ZBTB25: variants seen among roughly 807,000 people sequenced by gnomAD.
The protein encoded by ZBTB25 is zinc finger and BTB domain containing 25, also known as zinc finger and BTB domain-containing protein 25.
ZBTB25 carries 20 observed loss-of-function variants against 34.2 expected under a neutral mutation model. The ratio of observed to expected loss-of-function variants is 0.58; its 90% CI spans 0.41 to 0.85. The LOEUF (loss-of-function observed/expected upper bound fraction) is 0.85, where lower values mean the gene tolerates loss of function less well. ZBTB25 is among the 40% of genes least tolerant of loss of function. The pLI is 0.00. For synonymous variants in ZBTB25, 175 were observed against 186.4 expected (o/e 0.94, Z 0.50); for missense variants, 437 against 521.8 (o/e 0.84, Z 1.58).
chr14:64,477,665 G>T (rs569146352), downstream of ZBTB25, among the ~76,000 whole-genome samples: 59 of 152,204 alleles, frequency 3.9e-4, no homozygotes, highest in Non-Finnish European at 6.8e-4. Flanking sequence ...AACCACTCCA[G>T]GTTCTTCAGG....
At chr14:64,469,651 TAATAA>T (rs781537777) in intron 2 of ZBTB25, 41 of 1,592,430 alleles carry the variant, frequency 2.6e-5, no homozygotes, top group Non-Finnish European at 3.3e-5. Flanking sequence ...CCTCTGATGA[TAATAA>T]AATAAACAAT....
At chr14:64,469,245 C>T (rs1390494179) in intron 2 of ZBTB25, 2 of 1,613,776 alleles carry the variant, frequency 1.2e-6, no homozygotes, top group African/African-American at 1.3e-5. Flanking sequence ...AGTAACAGTA[C>T]CCTAGAAAGT....
intron 1 of ZBTB25, among the ~76,000 whole-genome samples, chr14:64,501,587 G>A (rs901046654): frequency 2.3e-4 from 35 of 152,272 alleles, no homozygotes; most frequent in Non-Finnish European, 4.1e-4. Context: ...TTAAAACAAG[G>A]AAAAACCCTG....
Position 64,486,824 on chromosome 14 carries a change from A to G in ZBTB25, c.*99T>C. ...ACCATGGATAAGCTGTGAAGAAAAA[A>G]AGTCAATGAAACTTGAGGAGGAAAA... On this transcript the variant is annotated 3_prime_UTR_variant, in exon 3 of 3. Transcript: ENST00000608382. The G allele has an allele frequency of 6.9e-7, 1 of 1,455,538 alleles. No individual in the cohort carries two copies. The highest frequency in any genetic ancestry group is 1.5e-5 in the South Asian group (1 of 66,880). The allele number at this position is 1,455,538 out of a possible 1,614,324, so 90.2% of individuals were successfully genotyped here. A position where few individuals can be genotyped will look rare whatever the true frequency, so the allele number is the denominator to read the frequency against.
intron 1 of ZBTB25, among the ~76,000 whole-genome samples, chr14:64,492,747 GGT>G (rs2079128812): frequency 6.6e-6 from 1 of 152,024 alleles, no homozygotes; most frequent in South Asian, 2.1e-4. Flanking sequence ...ATGGTCTGTT[GGT>G]AACAGTTAAA....
Position 64,486,185 on chromosome 14 carries a change from C to T in ZBTB25, c.*738G>A, listed in dbSNP as rs2078857602. 1.4e-6 allele frequency: 1 copy of T among 731,436 alleles called. No homozygotes were observed. The highest frequency in any genetic ancestry group is 1.9e-5 in the African/African-American group (1 of 51,754). The allele number at this position is 731,436 out of a possible 1,614,324, so 45.3% of individuals were successfully genotyped here. On this transcript the variant is annotated 3_prime_UTR_variant, in exon 3 of 3. Coordinates refer to ENST00000608382, the MANE Select transcript of ZBTB25 (RefSeq NM_006977.5). Reference sequence around the variant, plus strand: ...GGCGTGGTGGCGGGCGCCTGTAGTCCCAGCTGCTCAGGAGGCTGAGGCAGG... The same window carrying T: ...GGCGTGGTGGCGGGCGCCTGTAGTCTCAGCTGCTCAGGAGGCTGAGGCAGG...
Position 64,487,882 on chromosome 14 carries a change from C to T in ZBTB25, c.349G>A (p.Val117Met), listed in dbSNP as rs765170648. The change falls in exon 3 of 3, where the codon GTG becomes ATG. Residue 117 changes from valine to methionine, a missense_variant. Transcript: ENST00000608382. Reference protein sequence around the residue: ...LSHIATEMNQVFSPETVQSSN... With the variant: ...LSHIATEMNQMFSPETVQSSN... ...GACTGCACAGTCTCTGGTGAGAACA[C>T]TTGATTCATTTCAGTTGCAATGTGA... 6.2e-7 allele frequency: 1 copy of T among 1,614,194 alleles called. No individual in the cohort carries two copies. Among genetic ancestry groups the T allele is most frequent in the South Asian group, 1.1e-5 (1 of 91,092 alleles).
At chr14:64,503,362 G>A (rs1482717469) in intron 1 of ZBTB25, 4 of 985,266 alleles carry the variant, frequency 4.1e-6, no homozygotes, top group Non-Finnish European at 4.8e-6. Context: ...ACCCGGACCC[G>A]CGGCCGGGAC....
intron 2 of ZBTB25, among the ~76,000 whole-genome samples, chr14:64,457,122 A>G (rs1255799627): frequency 6.6e-6 from 1 of 152,256 alleles, no homozygotes; most frequent in Non-Finnish European, 1.5e-5. Flanking sequence ...AATGGTGATT[A>G]TAAAACCATC....
intron 1 of ZBTB25, among the ~76,000 whole-genome samples, chr14:64,492,703 C>A (rs1158334998): frequency 6.6e-6 from 1 of 151,968 alleles, no homozygotes; most frequent in African/African-American, 2.4e-5. Context: ...ACATAGCACA[C>A]TAATAAGCCA....
At chr14:64,469,723 A>C in intron 2 of ZBTB25, 10 of 1,315,764 alleles carry the variant, frequency 7.6e-6, no homozygotes, top group South Asian at 1.5e-5. Flanking sequence ...TTAATGAAGA[A>C]TTCTTTTATA....
exon 3 of ZBTB25, chr14:64,449,402 C>G: frequency 6.2e-7 from 1 of 1,600,048 alleles, no homozygotes; most frequent in Non-Finnish European, 8.5e-7. Flanking sequence ...TTCTGTCTCT[C>G]CAGCCATTTT....
Position 64,485,497 on chromosome 14 carries a change from T to C in ZBTB25, c.*1426A>G. On this transcript the variant is annotated 3_prime_UTR_variant, in exon 3 of 3. Transcript: ENST00000608382. ...TTCCCAGGTATATAGAGCCGGGGAA[T>C]CTGTTATTTCTTTCATCAACTTTAA... 1.0e-6 allele frequency: 1 copy of C among 985,390 alleles called. No homozygotes were observed. Among genetic ancestry groups the C allele is most frequent in the Non-Finnish European group, 1.2e-6 (1 of 829,894 alleles). The allele number at this position is 985,390 out of a possible 1,614,324, so 61.0% of individuals were successfully genotyped here.
At chr14:64,458,198 C>CT in intron 2 of ZBTB25, 1 of 1,579,958 alleles carries the variant, frequency 6.3e-7, no homozygotes, top group Non-Finnish European at 8.7e-7. Flanking sequence ...ATTTGTAATG[C>CT]TTTTTTACAT....
rs899142148 is a variant in ZBTB25, at chr14:64,503,681, A to C, written c.-28T>G. On this transcript the variant is annotated 5_prime_UTR_variant, in exon 1 of 3. Coordinates refer to ENST00000608382, the MANE Select transcript of ZBTB25 (RefSeq NM_006977.5). ...CTTACCCAGATGCCGCCGCGGCGGC[A>C]GGCCGACTCCTCCGTGCAGGAGGGG... 1.2e-4 allele frequency: 105 copies of C among 901,914 alleles called. 1 individual carries two copies. In the Admixed American group the frequency reaches 3.6e-3, roughly 31 times the overall value. The allele number at this position is 901,914 out of a possible 1,614,324, so 55.9% of individuals were successfully genotyped here.
At chr14:64,494,643 A>G (rs1287925369) in intron 1 of ZBTB25, among the ~76,000 whole-genome samples, 1 of 152,196 alleles carries the variant, frequency 6.6e-6, no homozygotes, top group African/African-American at 2.4e-5. Context: ...AAAAATAAAA[A>G]AATAAAAATA....
intron 2 of ZBTB25, chr14:64,458,367 T>G: frequency 9.3e-7 from 1 of 1,080,444 alleles, no homozygotes; most frequent in South Asian, 1.2e-5. Context: ...TTATGAATTA[T>G]AGGGCTCAAA....
chr14:64,476,130 G>C (rs926377124), downstream of ZBTB25, among the ~76,000 whole-genome samples: 1 of 152,202 alleles, frequency 6.6e-6, no homozygotes, highest in African/African-American at 2.4e-5. Context: ...TCACAGGTCT[G>C]CTCAGTATGA....
At chr14:64,502,920 G>A (rs991943595) in intron 1 of ZBTB25, 1 of 985,438 alleles carries the variant, frequency 1.0e-6, no homozygotes, top group South Asian at 4.7e-5. Context: ...TCTTGTGAGA[G>A]GATCAACAGC....
Sources: gnomAD v4.1 joint callset for allele counts (sites outside exome capture counted in the v4.1 genomes callset) on GRCh38, gnomAD v4.1.1 for gene constraint, MANE v1.5 for transcripts, NCBI Gene and HGNC (gene_info 2026-07-23, HGNC 2026-07-21) for gene names.